AASS: variants seen among roughly 807,000 people sequenced by gnomAD.
AASS encodes alpha-aminoadipic semialdehyde synthase, mitochondrial.
Under a neutral mutation model 105.4 loss-of-function variants are expected in AASS, and 86 were observed. The ratio of observed to expected loss-of-function variants is 0.82; its 90% CI spans 0.69 to 0.98. The LOEUF is 0.98. AASS is among the 50% of genes least tolerant of loss of function. The pLI is 0.00. For missense variants in AASS, 1,048 were observed against 1,143.2 expected (o/e 0.92, Z 1.20); for synonymous variants, 381 against 394.8 (o/e 0.96, Z 0.41).
Position 122,074,822 on chromosome 7 carries a change from G to A in AASS, c.*1667C>T, listed in dbSNP as rs1429909096. On this transcript the variant is annotated 3_prime_UTR_variant, in exon 24 of 24. Transcript: ENST00000417368. ...ATATTTCTGGACCCTCAATTATATT[G>A]GTATTTTACTCTTTCTGATGCTGTC... Among the ~76,000 whole-genome samples, 1 of 151,892 alleles carries A rather than the reference G, an allele frequency of 6.6e-6. No individual in the cohort carries two copies. Among genetic ancestry groups the A allele is most frequent in the Non-Finnish European group, 1.5e-5 (1 of 67,946 alleles).
intron 15 of AASS, 137 bp downstream of exon 15, chr7:122,098,313 G>T: frequency 1.2e-6 from 1 of 839,368 alleles, no homozygotes; most frequent in Non-Finnish European, 1.9e-6. Context: ...CTTATGATTT[G>T]TGCACCTTCT....
chr7:122,082,904 A>AAATGG (rs1793435837), intron 19 of AASS: 3 of 1,245,710 alleles, frequency 2.4e-6, no homozygotes, highest in Non-Finnish European at 3.2e-6. Flanking sequence ...AAAAGAGAAC[A>AAATGG]AATGGCTGGA....
At position 122,073,865 on chromosome 7, in the gene AASS, G is replaced by C. The variant is rs954967444; in HGVS notation, c.*2624C>G. ...CTTTCATGTCTGGCATTCTTCACTT[G>C]ATATGTTTTCAAGGTTTTTCCATGT... On this transcript the variant is annotated 3_prime_UTR_variant, in exon 24 of 24. Transcript: ENST00000417368. Among the ~76,000 whole-genome samples the C allele has an allele frequency of 3.3e-5, 5 of 152,104 alleles. No individual in the cohort carries two copies. The highest frequency in any genetic ancestry group is 1.2e-4 in the African/African-American group (5 of 41,428).
At position 122,091,775 on chromosome 7, in the gene AASS, A is replaced by T. The variant is rs1793913974; in HGVS notation, c.1944T>A (p.Tyr648Ter). Reference sequence around the variant, plus strand: ...CTCCCACTGGACTCCAGCTAAATTTATATCTCAATGGATTGTTTGAATGTT... The same window carrying T: ...CTCCCACTGGACTCCAGCTAAATTTTTATCTCAATGGATTGTTTGAATGTT... ...APEHSNNPLRYKFSWSPVGVL... is the reference protein window; with the variant it reads ...APEHSNNPLR The change falls in exon 18 of 24, where the codon TAT (tyrosine) becomes TAA (stop). Residue 648 changes from tyrosine (Y) to a stop codon, truncating the protein, a stop_gained. Coordinates refer to ENST00000417368, the MANE Select transcript of AASS (RefSeq NM_005763.4). LOFTEE classifies it high-confidence loss of function. 2 of 1,613,536 alleles carry T rather than the reference A, an allele frequency of 1.2e-6. No homozygotes were observed. The highest frequency in any genetic ancestry group is 8.5e-7 in the Non-Finnish European group (1 of 1,179,696).
intron 6 of AASS, 127 bp from the exon 7 acceptor site, chr7:122,117,084 G>T: frequency 1.2e-6 from 1 of 829,482 alleles, no homozygotes. Context: ...AACCAGGACT[G>T]CAACACAGAA....
At chr7:122,117,010 A>C in intron 6 of AASS, 53 bp from the exon 7 acceptor site, 1 of 1,483,922 alleles carries the variant, frequency 6.7e-7, no homozygotes, top group Non-Finnish European at 9.4e-7. Context: ...AAGAACCAAC[A>C]TGGTTTTCTG....
At chr7:122,138,667 C>A (rs1796258571) in intron 1 of AASS, among the ~76,000 whole-genome samples, 2 of 152,118 alleles carry the variant, frequency 1.3e-5, no homozygotes, top group Non-Finnish European at 2.9e-5. Flanking sequence ...ATGATACTGT[C>A]TTATCTTTCC....
intron 23 of AASS, among the ~76,000 whole-genome samples, 163 bp downstream of exon 23, chr7:122,077,675 A>T (rs1021674640): frequency 5.3e-5 from 8 of 152,196 alleles, no homozygotes; most frequent in African/African-American, 1.7e-4. Flanking sequence ...TGCTTTACTC[A>T]TCAAAAGGGG....
At position 122,077,895 on chromosome 7, in the gene AASS, C is replaced by G. The variant is rs765424237; in HGVS notation, c.2605G>C (p.Ala869Pro). 6.2e-7 allele frequency: 1 copy of G among 1,614,160 alleles called. No individual in the cohort carries two copies. Among genetic ancestry groups the G allele is most frequent in the Non-Finnish European group, 8.5e-7 (1 of 1,180,022 alleles). ...GGTAACCCCACGGTTTTAGCCATGG[C>G]TGAAAAGCCATTGATGTCCCCATAA... is the stretch of plus-strand genomic sequence containing the variant. ...VAYGDINGFS[A>P]MAKTVGLPTA... The change falls in exon 23 of 24, where the codon GCC becomes CCC. Residue 869 changes from alanine to proline, a missense_variant. Coordinates refer to ENST00000417368, the MANE Select transcript of AASS (RefSeq NM_005763.4).
chr7:122,099,778 T>C (rs1794340022), intron 13 of AASS, among the ~76,000 whole-genome samples: 1 of 148,598 alleles, frequency 6.7e-6, no homozygotes, highest in Non-Finnish European at 1.5e-5. Flanking sequence ...TTTTAACAAA[T>C]AAAAATAAAT....
chr7:122,103,556 A>C (rs1211879607), intron 11 of AASS, among the ~76,000 whole-genome samples: 1 of 152,106 alleles, frequency 6.6e-6, no homozygotes, highest in Non-Finnish European at 1.5e-5. Flanking sequence ...ATTCAAATCC[A>C]GAATACCCTG....
chr7:122,142,623 G>C (rs1392070556), intron 1 of AASS, among the ~76,000 whole-genome samples: 1 of 152,164 alleles, frequency 6.6e-6, no homozygotes, highest in Non-Finnish European at 1.5e-5. Flanking sequence ...CCTTAGATCA[G>C]ATGAATGTGG....
intron 15 of AASS, among the ~76,000 whole-genome samples, chr7:122,096,837 C>T (rs1177246755): frequency 6.6e-6 from 1 of 151,962 alleles, no homozygotes; most frequent in Non-Finnish European, 1.5e-5. Flanking sequence ...TATCTTGTCA[C>T]ATTTTATTTC....
chr7:122,143,835 A>G (rs1302885039), intron 1 of AASS, among the ~76,000 whole-genome samples: 2 of 152,152 alleles, frequency 1.3e-5, no homozygotes, highest in Non-Finnish European at 2.9e-5. Flanking sequence ...GCCAAAAAAG[A>G]AAGAAAAGAA....
chr7:122,091,890 G>C, intron 17 of AASS, 47 bp from the exon 18 acceptor site: 14 of 1,293,306 alleles, frequency 1.1e-5, no homozygotes, highest in African/African-American at 1.5e-5. Context: ...ACAACTTAGA[G>C]AATGTCTAAG....
chr7:122,086,548 T>A (rs868053501), intron 18 of AASS, among the ~76,000 whole-genome samples: 3 of 151,294 alleles, frequency 2.0e-5, no homozygotes, highest in East Asian at 1.9e-4. Context: ...TTTTAAAAAA[T>A]TTATTTTCTA....
At chr7:122,095,825 A>G (rs979710537) in intron 15 of AASS, among the ~76,000 whole-genome samples, 8 of 152,168 alleles carry the variant, frequency 5.3e-5, no homozygotes, top group African/African-American at 1.9e-4. Context: ...AGAACCAAAT[A>G]TTAATAGAAA....
Position 122,079,286 on chromosome 7 carries a change from A to G in AASS, c.2396+311T>C, listed in dbSNP as rs2150507068. ...GCAGGATGCCACAGCGGTCATATGA[A>G]AGAATGTTTTCATGTAATATTCTAT... On this transcript the variant is annotated intron_variant, in intron 21 of 23. Transcript: ENST00000417368. 9 of 1,345,364 alleles carry G rather than the reference A, an allele frequency of 6.7e-6. 1 individual carries two copies. Among genetic ancestry groups the G allele is most frequent in the Middle Eastern group, 2.9e-4 (1 of 3,444 alleles). 83.3% of individuals were successfully genotyped at this position (1,345,364 alleles called of 1,614,324 possible).
In AASS at chr7:122,092,940, G is replaced by A. The variant is rs777194593; in HGVS notation, c.1778C>T (p.Ala593Val). 1.1e-5 allele frequency: 17 copies of A among 1,613,698 alleles called. No homozygotes were observed. In the Admixed American group the frequency reaches 2.0e-4, roughly 19 times the overall value. Reference sequence around the variant, plus strand: ...CAATTCACCAATGATTGTGATGCCAGCATCTTCCACACTGCAGCAGGTGGA... The same window carrying A: ...CAATTCACCAATGATTGTGATGCCAACATCTTCCACACTGCAGCAGGTGGA... ...LKELEKSVED[A>V]GITIIGELGL... The change falls in exon 17 of 24, where the codon GCT (alanine) becomes GTT (valine). Residue 593 changes from alanine to valine, a missense_variant. By Grantham distance (64) the Ala-to-Val change is moderately conservative. Coordinates refer to ENST00000417368, the MANE Select transcript of AASS (RefSeq NM_005763.4).
Sources: gnomAD v4.1 joint callset for allele counts (sites outside exome capture counted in the v4.1 genomes callset) on GRCh38, gnomAD v4.1.1 for gene constraint, MANE v1.5 for transcripts, NCBI Gene and HGNC (gene_info 2026-07-23, HGNC 2026-07-21) for gene names.